Variants in CUL1 observed in about 807,000 individuals in gnomAD.
The protein encoded by CUL1 is cullin-1.
Under a neutral mutation model 118.0 loss-of-function variants are expected in CUL1, and 24 were observed. The ratio of observed to expected loss-of-function variants is 0.20; its 90% CI spans 0.15 to 0.29. The LOEUF is 0.29. CUL1 is among the 10% of genes least tolerant of loss of function. The pLI, the probability that CUL1 is intolerant of heterozygous loss-of-function variation, is 1.00. For missense variants in CUL1, 361 were observed against 933.8 expected, an observed-to-expected ratio of 0.39 and a Z score of 7.99; for synonymous variants, 332 against 340.4, an observed-to-expected ratio of 0.98 and a Z score of 0.27.
intron 9 of CUL1, among the ~76,000 whole-genome samples, chr7:148,779,418 G>A (rs1800534652): frequency 6.6e-6 from 1 of 152,118 alleles, no homozygotes; most frequent in African/African-American, 2.4e-5. Flanking sequence ...GGCCTATCTT[G>A]GAAATTCAGA....
At chr7:148,704,295 A>G (rs766490086) in intron 1 of CUL1, among the ~76,000 whole-genome samples, 3 of 151,892 alleles carry the variant, frequency 2.0e-5, no homozygotes, top group Non-Finnish European at 4.4e-5. Context: ...TTGTTTTTTT[A>G]ATTGGCGTAG....
chr7:148,782,471 T>C (rs185252034), intron 9 of CUL1, among the ~76,000 whole-genome samples: 1 of 152,376 alleles, frequency 6.6e-6, no homozygotes, highest in Admixed American at 6.5e-5. Flanking sequence ...ATTAAATATC[T>C]GCAATACTGC....
intron 3 of CUL1, among the ~76,000 whole-genome samples, chr7:148,755,842 C>T (rs969686864): frequency 6.6e-6 from 1 of 152,182 alleles, no homozygotes; most frequent in East Asian, 1.9e-4. Flanking sequence ...TTTGGTCACT[C>T]GTGTACCTTA....
Position 148,800,763 on chromosome 7 carries a change from TTCAAG to T in CUL1, c.*184_*188del. On this transcript the variant is annotated 3_prime_UTR_variant, in exon 22 of 22. Coordinates refer to ENST00000325222, the MANE Select transcript of CUL1 (RefSeq NM_003592.3). The surrounding 1 kb of genome is among the most constrained non-coding windows in gnomAD (Gnocchi z 4.6). ...TCGGAACTGCTCAGGATTGATACATTTCAAGTCTGTAAATACGGACACCAACGCCA... is the reference window on the plus strand; with the variant it reads ...TCGGAACTGCTCAGGATTGATACATTTCTGTAAATACGGACACCAACGCCA... 2 of 560,010 alleles carry T rather than the reference TTCAAG, an allele frequency of 3.6e-6. No homozygotes were observed. Among genetic ancestry groups the T allele is most frequent in the Non-Finnish European group, 6.3e-6 (2 of 314,990 alleles). 34.7% of individuals were successfully genotyped at this position (560,010 alleles called of 1,614,324 possible).
chr7:148,747,939 A>G (rs1274103952), intron 2 of CUL1, among the ~76,000 whole-genome samples: 1 of 152,254 alleles, frequency 6.6e-6, no homozygotes. Flanking sequence ...TAGACGTAAT[A>G]GAAGAGCTAG....
At chr7:148,761,255 C>T (rs575940916) in intron 7 of CUL1, among the ~76,000 whole-genome samples, 9 of 152,274 alleles carry the variant, frequency 5.9e-5, no homozygotes, top group Admixed American at 5.9e-4. Context: ...TGCCTGTAAT[C>T]CCAGCACTTT....
At chr7:148,783,288 G>T in intron 9 of CUL1, 9 of 979,458 alleles carry the variant, frequency 9.2e-6, no homozygotes, top group Non-Finnish European at 1.1e-5. Flanking sequence ...CCCCGGCATC[G>T]CCACGCGGAT....
intron 2 of CUL1, among the ~76,000 whole-genome samples, chr7:148,750,218 T>G (rs1476477314): frequency 6.6e-6 from 1 of 151,748 alleles, no homozygotes; most frequent in Non-Finnish European, 1.5e-5. Flanking sequence ...GGATCATTGA[T>G]GAAGGTGGCT....
chr7:148,750,454 C>T (rs534668095), intron 2 of CUL1, among the ~76,000 whole-genome samples: 1 of 152,212 alleles, frequency 6.6e-6, no homozygotes, highest in African/African-American at 2.4e-5. Flanking sequence ...TCCCTAGCCC[C>T]CCGCCCCACG....
chr7:148,754,283 C>T, intron 3 of CUL1, 133 bp downstream of exon 3: 2 of 607,456 alleles, frequency 3.3e-6, no homozygotes, highest in East Asian at 5.9e-5. Flanking sequence ...CAGTGTTTTG[C>T]TATTGCATAG....
At chr7:148,725,219 G>GCGCACACACACA in intron 1 of CUL1, among the ~76,000 whole-genome samples, 9,813 of 139,964 alleles carry the variant, frequency 0.07, 467 homozygotes, top group South Asian at 0.097. Context: ...ACACGCGCGC[G>GCGCACACACACA]CTCACACACA....
chr7:148,748,939 T>C (rs1799390460), intron 2 of CUL1, among the ~76,000 whole-genome samples: 1 of 152,244 alleles, frequency 6.6e-6, no homozygotes, highest in African/African-American at 2.4e-5. Flanking sequence ...AAGGAAAATA[T>C]ATACACATCA....
chr7:148,792,480 T>TA (rs1044189513), intron 16 of CUL1, among the ~76,000 whole-genome samples: 11 of 152,050 alleles, frequency 7.2e-5, no homozygotes, highest in South Asian at 2.1e-4. Context: ...ATACGTTTTT[T>TA]AAAAAAAACC....
intron 2 of CUL1, among the ~76,000 whole-genome samples, chr7:148,738,637 G>A (rs1250394480): frequency 6.6e-6 from 1 of 152,140 alleles, no homozygotes; most frequent in Non-Finnish European, 1.5e-5. Context: ...TCAAATGTAT[G>A]GGTTTGTTAG....
intron 2 of CUL1, among the ~76,000 whole-genome samples, chr7:148,733,102 C>T (rs539130278): frequency 1.3e-5 from 2 of 152,154 alleles, no homozygotes; most frequent in South Asian, 2.1e-4. Context: ...GGTGGTGAGG[C>T]GGGTCTTAAG....
chr7:148,706,146 T>C (rs1797872529), intron 1 of CUL1, among the ~76,000 whole-genome samples: 1 of 152,164 alleles, frequency 6.6e-6, no homozygotes, highest in African/African-American at 2.4e-5. Flanking sequence ...ATATGAAACA[T>C]GTGAATTCCC....
intron 1 of CUL1, among the ~76,000 whole-genome samples, chr7:148,700,074 TTC>T (rs1797672495): frequency 6.6e-6 from 1 of 152,216 alleles, no homozygotes; most frequent in South Asian, 2.1e-4. Context: ...AAAAAGAGGA[TTC>T]TCTTTTCCGA....
At position 148,719,093 on chromosome 7, in the gene CUL1, C is replaced by T. The variant is rs377696858; in HGVS notation, c.-161-10869C>T. 4.7e-4 allele frequency among the ~76,000 whole-genome samples: 72 copies of T among 152,218 alleles called. 1 individual carries two copies. The South Asian group carries it at 7.0e-3, about 15-fold the overall frequency. On this transcript the variant is annotated intron_variant, in intron 1 of 21. Coordinates refer to ENST00000325222, the MANE Select transcript of CUL1 (RefSeq NM_003592.3). ...TTGGGAGGCCGAGGCGGGCGGATCA[C>T]GAGTTCAGGAGATCGAGACCATCCT...
At chr7:148,798,784 G>C in intron 20 of CUL1, 107 bp downstream of exon 20, 2 of 876,124 alleles carry the variant, frequency 2.3e-6, no homozygotes, top group Admixed American at 1.7e-5. Context: ...GTGATTGCCA[G>C]ATGAATGGGT....
Sources: gnomAD v4.1 joint callset for allele counts (sites outside exome capture counted in the v4.1 genomes callset) on GRCh38, gnomAD v4.1.1 for gene constraint, Gnocchi (gnomAD v3.1) non-coding constraint, MANE v1.5 for transcripts, NCBI Gene and HGNC (gene_info 2026-07-23, HGNC 2026-07-21) for gene names.